The following JADE3 variants were observed in gnomAD, a reference collection of about 807,000 sequenced individuals.
JADE3 encodes the protein protein Jade-3.
Under a neutral mutation model 50.1 loss-of-function variants are expected in JADE3, and 2 were observed. The ratio of observed to expected loss-of-function variants is 0.04; its 90% confidence interval spans 0.02 to 0.13. JADE3 has a LOEUF of 0.13. Among genes scored for constraint, JADE3 ranks in the 10% least tolerant of loss-of-function variants. The probability of loss-of-function intolerance (pLI) is 1.00; values close to 1 mark genes in which losing one functional copy is unlikely to be tolerated. For missense variants in JADE3, 475 were observed against 634.4 expected, an observed-to-expected ratio of 0.75 and a Z score of 2.70; for synonymous variants, 218 against 232.9, an observed-to-expected ratio of 0.94 and a Z score of 0.58.
intron 8 of JADE3, among the ~76,000 whole-genome samples, chrX:47,049,250 C>T (rs1184394605): frequency 9.5e-4 from 93 of 97,562 alleles, no homozygotes; most frequent in African/African-American, 3.1e-3. Flanking sequence ...TGCAGTGGCG[C>T]GATCTCGGCT....
chrX:46,932,414 T>C (rs1232759058), intron 1 of JADE3, among the ~76,000 whole-genome samples: 2 of 112,233 alleles, frequency 1.8e-5, no homozygotes, highest in East Asian at 5.5e-4. Context: ...CATAACCACT[T>C]TTCTAATTTA....
intron 1 of JADE3, among the ~76,000 whole-genome samples, chrX:46,936,798 TA>T (rs1358863642): frequency 8.9e-6 from 1 of 111,970 alleles, no homozygotes; most frequent in East Asian, 2.8e-4. Flanking sequence ...GGACCTGTAG[TA>T]ATATCCCCTC....
In JADE3 at chrX:46,969,747, C is replaced by T. The variant is rs375005622; in HGVS notation, c.-11-15137C>T. The stretch of plus-strand genomic sequence containing the variant: ...AGGAGGCTGAGGCACAAGAATTGCT[C>T]GAACCCGGGAGGCAGAGGTTGCAGT... On this transcript the variant is annotated intron_variant, in intron 1 of 10. Transcript: ENST00000614628. Among the ~76,000 whole-genome samples, 10 of 110,408 alleles carry T rather than the reference C, an allele frequency of 9.1e-5. No individual in the cohort carries two copies. In the South Asian group the frequency reaches 3.1e-3, roughly 34 times the overall value.
intron 6 of JADE3, among the ~76,000 whole-genome samples, chrX:47,030,467 AAAGT>A (rs782752824): frequency 8.9e-5 from 10 of 111,919 alleles, no homozygotes; most frequent in Admixed American, 1.9e-4. Context: ...AGATTCTTCC[AAAGT>A]GAGTATATTT....
chrX:47,058,144 C>T (rs782078487), intron 10 of JADE3, 23 bp from the exon 11 acceptor site: 11 of 1,173,538 alleles, frequency 9.4e-6, no homozygotes, highest in East Asian at 8.9e-5. Flanking sequence ...GTTGTTAAAA[C>T]GAATCTTTCT....
At chrX:46,930,951 G>A (rs2147107221) in intron 1 of JADE3, among the ~76,000 whole-genome samples, 1 of 111,733 alleles carries the variant, frequency 8.9e-6, no homozygotes, top group East Asian at 2.8e-4. Context: ...ATAATTAGGA[G>A]GAACCTTAGA....
intron 1 of JADE3, among the ~76,000 whole-genome samples, chrX:46,962,376 T>C (rs1556347903): frequency 8.9e-6 from 1 of 111,843 alleles, no homozygotes; most frequent in African/African-American, 3.3e-5. Flanking sequence ...GTCAACAACC[T>C]CCTCTTGTGT....
chrX:46,976,170 C>G lies in JADE3; in HGVS notation c.-11-8714C>G, dbSNP rs782523567. 6.3e-5 allele frequency among the ~76,000 whole-genome samples: 7 copies of G among 111,709 alleles called. No individual in the cohort carries two copies. In the East Asian group the frequency reaches 2.0e-3, roughly 31 times the overall value. On this transcript the variant is annotated intron_variant, in intron 1 of 10. Transcript: ENST00000614628. Reference sequence around the variant, plus strand: ...ATAGGGGCCCCTTGCACTGACCATGCATTTCAAAAGTATGTCTCATGGGTA... The same window carrying G: ...ATAGGGGCCCCTTGCACTGACCATGGATTTCAAAAGTATGTCTCATGGGTA...
rs34509375 is a variant in JADE3 at position 47,039,390 on chromosome X, CTT to C, written c.972+338_972+339del. Among the ~76,000 whole-genome samples the C allele has an allele frequency of 5.7e-3, 551 of 96,212 alleles. 2 individuals are homozygous for C. The highest frequency in any genetic ancestry group is 0.024 in the South Asian group (50 of 2,090). The allele number at this position is 96,212 out of a possible 115,157, so 83.5% of individuals were successfully genotyped here. A position where few individuals can be genotyped will look rare whatever the true frequency, so the allele number is the denominator to read the frequency against. ...ATTCTGAAACAACCAGGCCCATGTTCTTTTTTTTTTTTTTAATTTCAACTTTT... is the reference window on the plus strand; with the variant it reads ...ATTCTGAAACAACCAGGCCCATGTTCTTTTTTTTTTTTAATTTCAACTTTT... On this transcript the variant is annotated intron_variant, in intron 8 of 10. Coordinates refer to ENST00000614628, the MANE Select transcript of JADE3 (RefSeq NM_014735.5).
chrX:46,945,779 G>A (rs533158950), intron 1 of JADE3, among the ~76,000 whole-genome samples: 10 of 111,582 alleles, frequency 9.0e-5, no homozygotes, highest in East Asian at 2.8e-4. Context: ...GCTCCCTCAC[G>A]CCTTGGAATA....
In JADE3 at chrX:46,979,264, C is replaced by T. The variant is rs139026588; in HGVS notation, c.-11-5620C>T. ...CTTTAAAATCTCCCTCTGTCAAGAA[C>T]AGTTTGATAACTCTTTTACTTAAAG... On this transcript the variant is annotated intron_variant, in intron 1 of 10. Coordinates refer to ENST00000614628, the MANE Select transcript of JADE3 (RefSeq NM_014735.5). Among the ~76,000 whole-genome samples the T allele has an allele frequency of 4.4e-3, 498 of 112,147 alleles. 1 individual carries two copies. Among genetic ancestry groups the T allele is most frequent in the African/African-American group, 0.015 (463 of 30,863 alleles).
intron 7 of JADE3, among the ~76,000 whole-genome samples, chrX:47,034,748 C>T (rs1363829800): frequency 9.4e-6 from 1 of 106,663 alleles, no homozygotes; most frequent in Non-Finnish European, 1.9e-5. Flanking sequence ...TACAGGTGCC[C>T]GCCACCATGC....
chrX:46,925,981 G>A (rs1219747172), intron 1 of JADE3, among the ~76,000 whole-genome samples: 2 of 108,284 alleles, frequency 1.8e-5, no homozygotes, highest in African/African-American at 6.7e-5. Context: ...TCAGCTTCCT[G>A]AGTAGCTAGG....
At chrX:46,932,188 G>T (rs1179309375) in intron 1 of JADE3, among the ~76,000 whole-genome samples, 1 of 112,147 alleles carries the variant, frequency 8.9e-6, no homozygotes, top group African/African-American at 3.2e-5. Flanking sequence ...TATCCTTTCA[G>T]TGTCGTACTG....
intron 3 of JADE3, among the ~76,000 whole-genome samples, chrX:46,991,771 A>C (rs1556356058): frequency 8.9e-6 from 1 of 111,734 alleles, no homozygotes; most frequent in Non-Finnish European, 1.9e-5. Context: ...TCTTGGCTCA[A>C]GGTCTCTTTG....
At chrX:47,023,332 T>A (rs1384902322) in intron 4 of JADE3, among the ~76,000 whole-genome samples, 1 of 111,562 alleles carries the variant, frequency 9.0e-6, no homozygotes, top group Non-Finnish European at 1.9e-5. Context: ...GTTTTCATCA[T>A]TCAGCTCCCA....
intron 1 of JADE3, among the ~76,000 whole-genome samples, chrX:46,921,404 TGTA>T (rs1372030025): frequency 8.9e-6 from 1 of 111,944 alleles, no homozygotes; most frequent in East Asian, 2.8e-4. Context: ...TTTTCAGAGT[TGTA>T]GTGGTGAGAG....
At chrX:47,039,645 G>A (rs782549984) in intron 8 of JADE3, among the ~76,000 whole-genome samples, 15 of 111,510 alleles carry the variant, frequency 1.3e-4, no homozygotes, top group Non-Finnish European at 2.4e-4. Flanking sequence ...GTTTGTAAGT[G>A]AGAACATGTG....
At chrX:46,974,630 T>G (rs1353360962) in intron 1 of JADE3, among the ~76,000 whole-genome samples, 1 of 112,414 alleles carries the variant, frequency 8.9e-6, no homozygotes, top group East Asian at 2.8e-4. Flanking sequence ...GATTTTTATC[T>G]CAGTCCTTCT....
Sources: allele counts gnomAD v4.1 joint callset (sites outside exome capture counted in the v4.1 genomes callset), GRCh38; gene constraint gnomAD v4.1.1; transcripts MANE v1.5; gene names NCBI Gene and HGNC (gene_info 2026-07-23, HGNC 2026-07-21).